Variants in CARS1 observed in about 807,000 individuals in gnomAD.
CARS1 encodes cysteine--tRNA ligase, cytoplasmic.
CARS1 carries 48 observed loss-of-function variants against 106.2 expected under a neutral mutation model. That is an observed-to-expected ratio of 0.45 (90% confidence interval 0.36 to 0.57). The LOEUF (loss-of-function observed/expected upper bound fraction) is 0.57. Among genes scored for constraint, CARS1 ranks in the 20% least tolerant of loss-of-function variants. CARS1 has a pLI of 0.00. For synonymous variants in CARS1, 409 were observed against 403.4 expected (o/e 1.01, Z -0.17); for missense variants, 968 against 1,057.2 (o/e 0.92, Z 1.17).
At chr11:3,031,937 G>A (rs1042634885) in intron 7 of CARS1, among the ~76,000 whole-genome samples, 1 of 151,358 alleles carries the variant, frequency 6.6e-6, no homozygotes, top group Non-Finnish European at 1.5e-5. Flanking sequence ...AGCAAGAAGG[G>A]AAAGGAAGCA....
rs777109403 is a variant in CARS1, at chr11:3,039,158, G to A, written c.651+36C>T. 37 of 1,343,040 alleles carry A rather than the reference G, an allele frequency of 2.8e-5. No individual in the cohort carries two copies. Among genetic ancestry groups the A allele is most frequent in the Non-Finnish European group, 3.9e-5 (36 of 934,904 alleles). 83.2% of individuals were successfully genotyped at this position (1,343,040 alleles called of 1,614,324 possible). On this transcript the variant is annotated intron_variant, in intron 6 of 22. Coordinates refer to ENST00000380525, the MANE Select transcript of CARS1 (RefSeq NM_001014437.3). The surrounding 1 kb of genome is among the most constrained non-coding windows in gnomAD (Gnocchi z 5.6). The stretch of plus-strand genomic sequence containing the variant: ...CAAAGGACCGAGAACAGAAAGCAAA[G>A]GGCTCGGTTTCTAGAGCAGACAGCA...
rs1855133788 is a variant in CARS1, at chr11:3,046,777, T to G, written c.274+976A>C. Among the ~76,000 whole-genome samples the G allele has an allele frequency of 6.6e-6, 1 of 152,060 alleles. No individual in the cohort carries two copies. Among genetic ancestry groups the G allele is most frequent in the African/African-American group, 2.4e-5 (1 of 41,386 alleles). On this transcript the variant is annotated intron_variant, in intron 2 of 22. Coordinates refer to ENST00000380525, the MANE Select transcript of CARS1 (RefSeq NM_001014437.3). This position sits in a 1 kb window ranked among gnomAD's most constrained non-coding sequence, Gnocchi z 5.8. ...GAGTGCCCACAGCCACAGGAGGAGC[T>G]GGGCCACCCAAAGGCATACTTCAGT... is the stretch of plus-strand genomic sequence containing the variant.
rs59525343 is a variant in CARS1 at position 3,047,276 on chromosome 11, C to CAAA, written c.274+474_274+476dup. On this transcript the variant is annotated intron_variant, in intron 2 of 22. Transcript: ENST00000380525. ...TGGGCGATAGAGCGAGACTCCATCT[C>CAAA]AAAAAAAAAAAAAAAAAAAAGTTCA... Among the ~76,000 whole-genome samples, 102 of 84,484 alleles carry CAAA rather than the reference C, an allele frequency of 1.2e-3. 1 individual carries two copies. The highest frequency in any genetic ancestry group is 4.4e-3 in the African/African-American group (97 of 22,278). 55.4% of individuals were successfully genotyped at this position (84,484 alleles called of 152,430 possible).
rs1851565019 is a variant in CARS1 at position 3,021,460 on chromosome 11, T to G, written c.1154-1128A>C. Among the ~76,000 whole-genome samples the G allele has an allele frequency of 6.6e-6, 1 of 152,208 alleles. No individual in the cohort carries two copies. The highest frequency in any genetic ancestry group is 1.5e-5 in the Non-Finnish European group (1 of 68,042). ...ACCCTGAAGAAGCTGCAGTGAGATC[T>G]TTCCAGGTGACAAATCCACTTTTCA... On this transcript the variant is annotated intron_variant, in intron 10 of 22. Coordinates refer to ENST00000380525, the MANE Select transcript of CARS1 (RefSeq NM_001014437.3). This position sits in a 1 kb window ranked among gnomAD's most constrained non-coding sequence, Gnocchi z 5.3.
In CARS1 at chr11:3,046,650, T is replaced by C. The variant is rs1434319288; in HGVS notation, c.274+1103A>G. ...CAGAGGCGGGGGGGCATGTTCCCAA[T>C]CCCAGGCCCCAACGGAGTCTGGAGA... On this transcript the variant is annotated intron_variant, in intron 2 of 22. Transcript: ENST00000380525. The surrounding 1 kb of genome is among the most constrained non-coding windows in gnomAD (Gnocchi z 5.8). Among the ~76,000 whole-genome samples the C allele has an allele frequency of 2.0e-5, 3 of 151,888 alleles. No homozygotes were observed. Among genetic ancestry groups the C allele is most frequent in the Non-Finnish European group, 2.9e-5 (2 of 67,964 alleles).
In CARS1 at chr11:3,038,112, C is replaced by G; in HGVS notation, c.739G>C (p.Glu247Gln). The G allele has an allele frequency of 6.2e-7, 1 of 1,614,212 alleles. No individual in the cohort carries two copies. Among genetic ancestry groups the G allele is most frequent in the Admixed American group, 1.7e-5 (1 of 60,028 alleles). ...GACTGCACAGCTTTCTCAAGTGGCT[C>G]TGTGGCAAGCTGCACTGCGTGCTGA... The part of the protein sequence containing the change: ...RIQHAVQLAT[E>Q]PLEKAVQSRL... Residue 247 changes from glutamate (E) to glutamine (Q), a missense_variant, in exon 7 of 23, where the codon GAG becomes CAG. Transcript: ENST00000380525. This position sits in a 1 kb window ranked among gnomAD's most constrained non-coding sequence, Gnocchi z 4.0.
rs564348454 is a variant in CARS1 at position 3,037,950 on chromosome 11, C to G, written c.801+100G>C. 5.1e-5 allele frequency: 64 copies of G among 1,250,430 alleles called. No individual in the cohort carries two copies. In the African/African-American group the frequency reaches 8.6e-4, roughly 17 times the overall value. The allele number at this position is 1,250,430 out of a possible 1,614,324, so 77.5% of individuals were successfully genotyped here. On this transcript the variant is annotated intron_variant, in intron 7 of 22. Coordinates refer to ENST00000380525, the MANE Select transcript of CARS1 (RefSeq NM_001014437.3). The surrounding 1 kb of genome is among the most constrained non-coding windows in gnomAD (Gnocchi z 5.9). ...TACTGGAGACACAGAGTGTCTTCCACTAAGACAATCTGTGGAATCAATCCG... is the reference window on the plus strand; with the variant it reads ...TACTGGAGACACAGAGTGTCTTCCAGTAAGACAATCTGTGGAATCAATCCG...
chr11:3,013,432 G>A (rs1031548832), intron 17 of CARS1, among the ~76,000 whole-genome samples: 12 of 152,216 alleles, frequency 7.9e-5, no homozygotes, highest in African/African-American at 1.2e-4. Context: ...GATTACAGGC[G>A]TGAGCCACCA....
At position 3,017,760 on chromosome 11, in the gene CARS1, C is replaced by A. The variant is rs1851187916; in HGVS notation, c.1727+97G>T. 1.2e-6 allele frequency: 1 copy of A among 807,446 alleles called. No homozygotes were observed. Among genetic ancestry groups the A allele is most frequent in the Non-Finnish European group, 2.1e-6 (1 of 474,430 alleles). The allele number at this position is 807,446 out of a possible 1,614,324, so 50.0% of individuals were successfully genotyped here. On this transcript the variant is annotated intron_variant, in intron 15 of 22. Transcript: ENST00000380525. This position sits in a 1 kb window ranked among gnomAD's most constrained non-coding sequence, Gnocchi z 4.9. ...ACAACGTACGACAGTGTCCCCAGCC[C>A]TTCCTCGACAGTCCAGGACACATGG...
At chr11:3,025,281 G>A (rs1232013042) in intron 10 of CARS1, among the ~76,000 whole-genome samples, 1 of 152,212 alleles carries the variant, frequency 6.6e-6, no homozygotes, top group Non-Finnish European at 1.5e-5. Flanking sequence ...AGGCTGGAGT[G>A]CAGTGGCACA....
intron 7 of CARS1, among the ~76,000 whole-genome samples, chr11:3,032,746 G>C (rs965579155): frequency 2.2e-4 from 34 of 152,036 alleles, no homozygotes; most frequent in Admixed American, 1.4e-3. Context: ...CAGGAGTTGG[G>C]GTGGGGAGGA....
At position 3,004,729 on chromosome 11, in the gene CARS1, G is replaced by A. The variant is rs1407781641; in HGVS notation, c.2217+637C>T. ...CCTGGGGGCGTTGTGGGGTGCAGGT[G>A]GGGAGTATGCTGGGAATAGGAGGTG... On this transcript the variant is annotated intron_variant, in intron 20 of 22. Transcript: ENST00000380525. The surrounding 1 kb of genome is among the most constrained non-coding windows in gnomAD (Gnocchi z 5.2). Among the ~76,000 whole-genome samples the A allele has an allele frequency of 6.6e-6, 1 of 152,220 alleles. No homozygotes were observed. Among genetic ancestry groups the A allele is most frequent in the African/African-American group, 2.4e-5 (1 of 41,458 alleles).
In CARS1 at chr11:3,017,025, G is replaced by T. The variant is rs753108185; in HGVS notation, c.1917+81C>A. Reference sequence around the variant, plus strand: ...AGGCACAGCACTGGGGGGCACCAGAGGCCTCTGTTCTCCCAGTCCTGGGGC... The same window carrying T: ...AGGCACAGCACTGGGGGGCACCAGATGCCTCTGTTCTCCCAGTCCTGGGGC... On this transcript the variant is annotated intron_variant, in intron 16 of 22. Coordinates refer to ENST00000380525, the MANE Select transcript of CARS1 (RefSeq NM_001014437.3). This position sits in a 1 kb window ranked among gnomAD's most constrained non-coding sequence, Gnocchi z 4.9. The T allele has an allele frequency of 1.5e-5, 18 of 1,218,266 alleles. No homozygotes were observed. The highest frequency in any genetic ancestry group is 2.1e-5 in the Non-Finnish European group (18 of 866,766). 75.5% of individuals were successfully genotyped at this position (1,218,266 alleles called of 1,614,324 possible).
rs972715104 is a variant in CARS1 at position 3,030,017 on chromosome 11, T to A, written c.802-574A>T. ...AAACATGGCACCTATGTGAACCAGG[T>A]CCTGACCACACACACTCTAGGCATG... On this transcript the variant is annotated intron_variant, in intron 7 of 22. Coordinates refer to ENST00000380525, the MANE Select transcript of CARS1 (RefSeq NM_001014437.3). The surrounding 1 kb of genome is among the most constrained non-coding windows in gnomAD (Gnocchi z 5.7). 1 of 153,164 alleles carries A rather than the reference T, an allele frequency of 6.5e-6. No individual in the cohort carries two copies. The highest frequency in any genetic ancestry group is 1.5e-5 in the Non-Finnish European group (1 of 68,880). The allele number at this position is 153,164 out of a possible 1,614,324, so 9.5% of individuals were successfully genotyped here. A position where few individuals can be genotyped will look rare whatever the true frequency, so the allele number is the denominator to read the frequency against.
chr11:3,001,026 A>T lies in CARS1; in HGVS notation c.*88T>A. On this transcript the variant is annotated 3_prime_UTR_variant, in exon 23 of 23. Coordinates refer to ENST00000380525, the MANE Select transcript of CARS1 (RefSeq NM_001014437.3). ...TAATTTAGGACCCAAGGGTGACTGTAAACATGATAGGAGCGCTGGGACATT... is the reference window on the plus strand; with the variant it reads ...TAATTTAGGACCCAAGGGTGACTGTTAACATGATAGGAGCGCTGGGACATT... The T allele has an allele frequency of 6.8e-7, 1 of 1,467,192 alleles. No individual in the cohort carries two copies. Among genetic ancestry groups the T allele is most frequent in the Non-Finnish European group, 9.4e-7 (1 of 1,060,016 alleles). The allele number at this position is 1,467,192 out of a possible 1,614,324, so 90.9% of individuals were successfully genotyped here. A position where few individuals can be genotyped will look rare whatever the true frequency, so the allele number is the denominator to read the frequency against.
At position 3,050,413 on chromosome 11, in the gene CARS1, C is replaced by T. The variant is rs1195960471; in HGVS notation, c.26-2412G>A. Among the ~76,000 whole-genome samples, 1 of 152,172 alleles carries T rather than the reference C, an allele frequency of 6.6e-6. No individual in the cohort carries two copies. Among genetic ancestry groups the T allele is most frequent in the East Asian group, 1.9e-4 (1 of 5,196 alleles). ...GAATCACACCCCTTTACAAGTTATCCTTAGGAGCACCCATAGCCAACCCAC... is the reference window on the plus strand; with the variant it reads ...GAATCACACCCCTTTACAAGTTATCTTTAGGAGCACCCATAGCCAACCCAC... On this transcript the variant is annotated intron_variant, in intron 1 of 22. Coordinates refer to ENST00000380525, the MANE Select transcript of CARS1 (RefSeq NM_001014437.3). This position sits in a 1 kb window ranked among gnomAD's most constrained non-coding sequence, Gnocchi z 6.3.
rs528200841 is a variant in CARS1, at chr11:3,040,301, T to G, written c.456-370A>C. ...ACAGGAGGCTATTTTAGTGGTGAAG[T>G]TTTTGGGGAATCAAAAGTTATGTGT... On this transcript the variant is annotated intron_variant, in intron 4 of 22. Transcript: ENST00000380525. The surrounding 1 kb of genome is among the most constrained non-coding windows in gnomAD (Gnocchi z 5.8). 1.6e-4 allele frequency: 50 copies of G among 317,820 alleles called. No homozygotes were observed. The highest frequency in any genetic ancestry group is 2.8e-4 in the Non-Finnish European group (47 of 165,932). 19.7% of individuals were successfully genotyped at this position (317,820 alleles called of 1,614,324 possible). A position where few individuals can be genotyped will look rare whatever the true frequency, so the allele number is the denominator to read the frequency against.
chr11:3,041,781 G>A lies in CARS1; in HGVS notation c.366+384C>T, dbSNP rs190006617. Among the ~76,000 whole-genome samples, 291 of 152,064 alleles carry A rather than the reference G, an allele frequency of 1.9e-3. 2 individuals carry two copies. The highest frequency in any genetic ancestry group is 6.5e-3 in the African/African-American group (270 of 41,366). On this transcript the variant is annotated intron_variant, in intron 3 of 22. Coordinates refer to ENST00000380525, the MANE Select transcript of CARS1 (RefSeq NM_001014437.3). The surrounding 1 kb of genome is among the most constrained non-coding windows in gnomAD (Gnocchi z 4.9). The stretch of plus-strand genomic sequence containing the variant: ...CCCAACAACATCCAGCCAGTTTGCC[G>A]TTTTGTCCATCCTGCTTGGCTCATA...
In CARS1 at chr11:3,044,869, C is replaced by T. The variant is rs1437780590; in HGVS notation, c.275-2613G>A. ...GATGGAGAGGGAAGCCAGGAAGTGG[C>T]AAGCAGTCTGCCTACAACACACCAG... is the stretch of plus-strand genomic sequence containing the variant. On this transcript the variant is annotated intron_variant, in intron 2 of 22. Transcript: ENST00000380525. The surrounding 1 kb of genome is among the most constrained non-coding windows in gnomAD (Gnocchi z 4.4). 6.6e-6 allele frequency among the ~76,000 whole-genome samples: 1 copy of T among 152,108 alleles called. No individual in the cohort carries two copies. The highest frequency in any genetic ancestry group is 6.5e-5 in the Admixed American group (1 of 15,280).
Sources: allele counts gnomAD v4.1 joint callset (sites outside exome capture counted in the v4.1 genomes callset), GRCh38; gene constraint gnomAD v4.1.1; non-coding constraint Gnocchi (gnomAD v3.1); transcripts MANE v1.5; gene names NCBI Gene and HGNC (gene_info 2026-07-23, HGNC 2026-07-21).